Variants in RUNDC3B observed in about 807,000 individuals in gnomAD.
RUNDC3B encodes the protein RUN domain-containing protein 3B.
A neutral mutation model predicts 58.4 loss-of-function variants in RUNDC3B; 33 were observed. The observed-to-expected ratio is 0.56, with a 90% confidence interval of 0.43 to 0.75. The LOEUF is 0.75. RUNDC3B is among the 30% of genes least tolerant of loss of function. The probability of loss-of-function intolerance (pLI) is 0.00; values close to 1 mark genes in which losing one functional copy is unlikely to be tolerated. For synonymous variants in RUNDC3B, 193 were observed against 195.2 expected (o/e 0.99, Z 0.10); for missense variants, 501 against 535.7 (o/e 0.94, Z 0.64).
intron 4 of RUNDC3B, among the ~76,000 whole-genome samples, chr7:87,724,787 A>T (rs1047536000): frequency 3.9e-5 from 6 of 152,094 alleles, no homozygotes; most frequent in Admixed American, 1.3e-4. Context: ...CATGTATAAT[A>T]GTTCATAGTA....
intron 2 of RUNDC3B, among the ~76,000 whole-genome samples, chr7:87,668,938 G>T (rs1050738761): frequency 6.6e-6 from 1 of 152,112 alleles, no homozygotes; most frequent in African/African-American, 2.4e-5. Context: ...GTGAGGAGAA[G>T]AATGTATATT....
At chr7:87,761,690 A>G (rs1266793912) in intron 6 of RUNDC3B, among the ~76,000 whole-genome samples, 1 of 151,920 alleles carries the variant, frequency 6.6e-6, no homozygotes, top group Non-Finnish European at 1.5e-5. Context: ...CTTTGAAACC[A>G]TTATAGGTGA....
intron 4 of RUNDC3B, among the ~76,000 whole-genome samples, chr7:87,726,262 T>G (rs1831223796): frequency 6.6e-6 from 1 of 152,186 alleles, no homozygotes; most frequent in Admixed American, 6.5e-5. Flanking sequence ...TTGAATTAAT[T>G]TGTGTATAAG....
intron 6 of RUNDC3B, among the ~76,000 whole-genome samples, chr7:87,748,496 T>C (rs923670424): frequency 6.6e-6 from 1 of 152,226 alleles, no homozygotes; most frequent in Non-Finnish European, 1.5e-5. Flanking sequence ...TCCTGCTTTC[T>C]GTCCTCCATG....
intron 10 of RUNDC3B, among the ~76,000 whole-genome samples, chr7:87,821,280 C>G (rs1241001470): frequency 3.9e-5 from 6 of 152,108 alleles, no homozygotes; most frequent in African/African-American, 7.2e-5. Flanking sequence ...TGAGTGAACT[C>G]CCATTCACAA....
Position 87,822,678 on chromosome 7 carries a change from C to G in RUNDC3B, c.1225+6416C>G, listed in dbSNP as rs190976718. Among the ~76,000 whole-genome samples, 30 of 152,230 alleles carry G rather than the reference C, an allele frequency of 2.0e-4. No homozygotes were observed. The East Asian group carries it at 5.2e-3, about 26-fold the overall frequency. On this transcript the variant is annotated intron_variant, in intron 10 of 10. Transcript: ENST00000394654. Reference sequence around the variant, plus strand: ...AATAGACTGGATTAAGAAAATGTGGCACATATACACCATGGAATACTATGC... The same window carrying G: ...AATAGACTGGATTAAGAAAATGTGGGACATATACACCATGGAATACTATGC...
At chr7:87,821,879 C>G (rs1245288409) in intron 10 of RUNDC3B, among the ~76,000 whole-genome samples, 2 of 152,108 alleles carry the variant, frequency 1.3e-5, no homozygotes, top group Non-Finnish European at 2.9e-5. Context: ...ACACCTTATA[C>G]AAAAATTAAT....
intron 8 of RUNDC3B, among the ~76,000 whole-genome samples, chr7:87,790,402 A>T (rs1253405067): frequency 6.6e-6 from 1 of 152,164 alleles, no homozygotes; most frequent in Non-Finnish European, 1.5e-5. Context: ...TGCAAAGACT[A>T]CAATAAATAG....
intron 1 of RUNDC3B, 28 bp from the exon 2 acceptor site, chr7:87,650,793 TA>T: frequency 7.0e-7 from 1 of 1,419,106 alleles, no homozygotes; most frequent in Non-Finnish European, 1.0e-6. Flanking sequence ...CAACTCTGCC[TA>T]AAAGCAACAA....
intron 4 of RUNDC3B, among the ~76,000 whole-genome samples, chr7:87,733,529 A>G (rs1055899435): frequency 6.6e-6 from 1 of 152,226 alleles, no homozygotes; most frequent in Non-Finnish European, 1.5e-5. Flanking sequence ...CAAACAGAAT[A>G]GGAGACAATT....
intron 4 of RUNDC3B, among the ~76,000 whole-genome samples, chr7:87,714,706 T>C (rs28656907): frequency 0.37 from 55,848 of 151,376 alleles, 12,267 homozygotes; most frequent in South Asian, 0.63. Context: ...CCTAAAGAGG[T>C]GTAGAAGAGC....
intron 6 of RUNDC3B, among the ~76,000 whole-genome samples, chr7:87,742,975 G>T (rs1832426774): frequency 6.6e-6 from 1 of 152,062 alleles, no homozygotes; most frequent in Non-Finnish European, 1.5e-5. Flanking sequence ...TTAGCCAGGT[G>T]TGGTGGCACG....
intron 3 of RUNDC3B, among the ~76,000 whole-genome samples, chr7:87,702,313 C>G (rs1019698438): frequency 2.0e-5 from 3 of 151,366 alleles, no homozygotes; most frequent in Non-Finnish European, 4.4e-5. Flanking sequence ...GGGTCTTGCT[C>G]TGTTGCCCAG....
chr7:87,794,495 A>G (rs1239171688), intron 8 of RUNDC3B, among the ~76,000 whole-genome samples: 2 of 152,126 alleles, frequency 1.3e-5, no homozygotes, highest in East Asian at 1.9e-4. Flanking sequence ...AGAGGACACC[A>G]AAAAATAGAA....
chr7:87,674,458 C>T (rs1227877535), intron 2 of RUNDC3B, among the ~76,000 whole-genome samples: 1 of 152,078 alleles, frequency 6.6e-6, no homozygotes, highest in Non-Finnish European at 1.5e-5. Context: ...GCAGGGTACA[C>T]TCATGCTGGC....
chr7:87,710,053 G>T (rs1396908369), intron 3 of RUNDC3B, among the ~76,000 whole-genome samples: 2 of 152,032 alleles, frequency 1.3e-5, no homozygotes, highest in African/African-American at 4.8e-5. Context: ...AATAGCTCAT[G>T]ATTTGGATTC....
At chr7:87,678,571 T>G (rs778114432) in intron 2 of RUNDC3B, among the ~76,000 whole-genome samples, 5 of 151,824 alleles carry the variant, frequency 3.3e-5, no homozygotes, top group Non-Finnish European at 7.4e-5. Context: ...AAACAAACAA[T>G]AAAATGGTAG....
intron 6 of RUNDC3B, among the ~76,000 whole-genome samples, chr7:87,751,396 G>GT (rs373492643): frequency 2.0e-5 from 3 of 152,166 alleles, no homozygotes; most frequent in Admixed American, 6.5e-5. Flanking sequence ...CTTTAAAGTA[G>GT]TTTTTTCCAA....
intron 1 of RUNDC3B, among the ~76,000 whole-genome samples, chr7:87,637,664 A>AT (rs1272439172): frequency 6.6e-6 from 1 of 151,978 alleles, no homozygotes; most frequent in African/African-American, 2.4e-5. Flanking sequence ...TATTTGATAT[A>AT]TTTTTATATT....
Sources: gnomAD v4.1 joint callset for allele counts (sites outside exome capture counted in the v4.1 genomes callset) on GRCh38, gnomAD v4.1.1 for gene constraint, MANE v1.5 for transcripts, NCBI Gene and HGNC (gene_info 2026-07-23, HGNC 2026-07-21) for gene names.